The following CAPZB variants were observed in gnomAD, a reference collection of about 807,000 sequenced individuals.
CAPZB encodes the protein F-actin-capping protein subunit beta.
Under a neutral mutation model 38.1 loss-of-function variants are expected in CAPZB, and 2 were observed. The ratio of observed to expected loss-of-function variants is 0.05; its 90% confidence interval spans 0.02 to 0.17. The LOEUF is 0.17. Among genes scored for constraint, CAPZB ranks in the 10% least tolerant of loss-of-function variants. The probability of loss-of-function intolerance (pLI) is 1.00; values close to 1 mark genes in which losing one functional copy is unlikely to be tolerated. For missense variants in CAPZB, 161 were observed against 334.2 expected (o/e 0.48, Z 4.04); for synonymous variants, 107 against 127.4 (o/e 0.84, Z 1.08).
intron 1 of CAPZB, among the ~76,000 whole-genome samples, chr1:19,446,029 C>G (rs949195400): frequency 6.6e-6 from 1 of 152,194 alleles, no homozygotes; most frequent in Non-Finnish European, 1.5e-5. Context: ...ATCACCTGGA[C>G]AAACAGCCCT....
intron 1 of CAPZB, among the ~76,000 whole-genome samples, chr1:19,432,468 T>A (rs1453743352): frequency 6.6e-6 from 1 of 152,178 alleles, no homozygotes; most frequent in African/African-American, 2.4e-5. Context: ...AAAGAATACT[T>A]ATATATTGTC....
At chr1:19,437,702 C>G (rs1232565767) in intron 1 of CAPZB, among the ~76,000 whole-genome samples, 1 of 152,170 alleles carries the variant, frequency 6.6e-6, no homozygotes, top group Non-Finnish European at 1.5e-5. Flanking sequence ...TCCCCTTGCT[C>G]CCGCCAGCCC....
intron 2 of CAPZB, among the ~76,000 whole-genome samples, chr1:19,396,012 C>T (rs552787257): frequency 6.6e-6 from 1 of 152,352 alleles, no homozygotes; most frequent in African/African-American, 2.4e-5. Flanking sequence ...CTTTCTTCCC[C>T]GTGTTCCACC....
intron 1 of CAPZB, among the ~76,000 whole-genome samples, chr1:19,458,223 A>T (rs149388716): frequency 1.3e-5 from 2 of 152,262 alleles, no homozygotes; most frequent in East Asian, 3.9e-4. Context: ...GCCATTTCTG[A>T]CCTACACAAG....
At chr1:19,349,664 G>A (rs1268362865) in intron 6 of CAPZB, among the ~76,000 whole-genome samples, 1 of 152,150 alleles carries the variant, frequency 6.6e-6, no homozygotes, top group Non-Finnish European at 1.5e-5. Context: ...GAGAGGGCTG[G>A]GTCTTGCAGT....
chr1:19,340,206 C>G (rs2093920312), intron 8 of CAPZB, among the ~76,000 whole-genome samples: 1 of 152,248 alleles, frequency 6.6e-6, no homozygotes, highest in Non-Finnish European at 1.5e-5. Context: ...GAACCAGTGT[C>G]TCTGCGTGTC....
In CAPZB at chr1:19,411,491, G is replaced by A. The variant is rs113260032; in HGVS notation, c.93+8170C>T. Among the ~76,000 whole-genome samples the A allele has an allele frequency of 2.8e-3, 432 of 152,232 alleles. 5 individuals carry two copies. Among genetic ancestry groups the A allele is most frequent in the African/African-American group, 1.0e-2 (414 of 41,538 alleles). On this transcript the variant is annotated intron_variant, in intron 2 of 8. Transcript: ENST00000264202. ...GTTCTAGGACAGCTCAGGACTGGTGGATACATCGTTGCAGTCTCCTGGAAT... is the reference window on the plus strand; with the variant it reads ...GTTCTAGGACAGCTCAGGACTGGTGAATACATCGTTGCAGTCTCCTGGAAT...
At position 19,356,463 on chromosome 1, in the gene CAPZB, C is replaced by A. The variant is rs1393582011; in HGVS notation, c.588+172G>T. ...GTGCCAGCAGCTGTGGGCAACCTTG[C>A]ACAGCCCAGAGAGCTTTTATTTGAA... On this transcript the variant is annotated intron_variant, in intron 6 of 8. Coordinates refer to ENST00000264202, the MANE Select transcript of CAPZB (RefSeq NM_004930.5). This position sits in a 1 kb window ranked among gnomAD's most constrained non-coding sequence, Gnocchi z 4.3. Among the ~76,000 whole-genome samples, 1 of 152,222 alleles carries A rather than the reference C, an allele frequency of 6.6e-6. No individual in the cohort carries two copies. The highest frequency in any genetic ancestry group is 2.4e-5 in the African/African-American group (1 of 41,456).
At chr1:19,440,037 T>C (rs1383507540) in intron 1 of CAPZB, among the ~76,000 whole-genome samples, 1 of 152,238 alleles carries the variant, frequency 6.6e-6, no homozygotes, top group Non-Finnish European at 1.5e-5. Flanking sequence ...CGGTTTTCCC[T>C]ACAGCTGACG....
In CAPZB at chr1:19,370,023, G is replaced by T. The variant is rs577375711; in HGVS notation, c.329+8517C>A. On this transcript the variant is annotated intron_variant, in intron 4 of 8. Coordinates refer to ENST00000264202, the MANE Select transcript of CAPZB (RefSeq NM_004930.5). ...ATCCAGCCTCCACACTACTTCCGAG[G>T]AACTTCTTTGGATGCACATCAGAGC... Among the ~76,000 whole-genome samples the T allele has an allele frequency of 2.0e-5, 3 of 152,244 alleles. No homozygotes were observed. In the South Asian group the frequency reaches 6.2e-4, roughly 32 times the overall value.
chr1:19,429,517 T>C (rs2094435220), intron 1 of CAPZB, among the ~76,000 whole-genome samples: 1 of 152,146 alleles, frequency 6.6e-6, no homozygotes, highest in African/African-American at 2.4e-5. Context: ...ACCTCAGTCT[T>C]CTTTAAAACC....
intron 1 of CAPZB, among the ~76,000 whole-genome samples, chr1:19,423,993 G>A (rs2094412159): frequency 6.6e-6 from 1 of 151,668 alleles, no homozygotes; most frequent in Admixed American, 6.6e-5. Context: ...TCTATTTTTT[G>A]TAGAGATGGG....
chr1:19,431,589 C>T (rs1421281388), intron 1 of CAPZB, among the ~76,000 whole-genome samples: 2 of 151,842 alleles, frequency 1.3e-5, no homozygotes, highest in Admixed American at 6.6e-5. Context: ...GGCGTGGTGG[C>T]GGGCGCCTGT....
chr1:19,374,841 T>A (rs149109200), intron 4 of CAPZB, among the ~76,000 whole-genome samples: 180 of 152,364 alleles, frequency 1.2e-3, no homozygotes, highest in African/African-American at 4.0e-3. Flanking sequence ...GTGGGAGAGC[T>A]GTGGCCTTGC....
intron 8 of CAPZB, among the ~76,000 whole-genome samples, chr1:19,342,389 G>T (rs7512121): frequency 0.019 from 2,941 of 152,356 alleles, 104 homozygotes; most frequent in African/African-American, 0.067. Flanking sequence ...CTGAAGCATG[G>T]GGGGGTGGAC....
intron 1 of CAPZB, among the ~76,000 whole-genome samples, chr1:19,426,443 C>CGG (rs72362646): frequency 7.6e-4 from 113 of 148,232 alleles, no homozygotes; most frequent in African/African-American, 2.4e-3. Flanking sequence ...TGTGGTGGGG[C>CGG]GGGGGGGGGC....
intron 1 of CAPZB, among the ~76,000 whole-genome samples, chr1:19,429,779 G>A (rs776803754): frequency 1.2e-4 from 19 of 152,122 alleles, no homozygotes; most frequent in Admixed American, 3.3e-4. Context: ...AAAGGTAGGC[G>A]GAGTGTTATG....
At chr1:19,471,314 T>C (rs2094586130) in intron 1 of CAPZB, among the ~76,000 whole-genome samples, 1 of 152,188 alleles carries the variant, frequency 6.6e-6, no homozygotes, top group African/African-American at 2.4e-5. Flanking sequence ...AAATCACTCT[T>C]TCCCCATTTG....
At chr1:19,474,053 T>C (rs2094598708) in intron 1 of CAPZB, among the ~76,000 whole-genome samples, 1 of 152,006 alleles carries the variant, frequency 6.6e-6, no homozygotes, top group South Asian at 2.1e-4. Context: ...TGGAAGGCAG[T>C]GATGTGATCT....
Sources: gnomAD v4.1 joint callset for allele counts (sites outside exome capture counted in the v4.1 genomes callset) on GRCh38, gnomAD v4.1.1 for gene constraint, Gnocchi (gnomAD v3.1) non-coding constraint, MANE v1.5 for transcripts, NCBI Gene and HGNC (gene_info 2026-07-23, HGNC 2026-07-21) for gene names.